Variants in FXYD6 observed in about 807,000 individuals in gnomAD.
The protein encoded by FXYD6 is FXYD domain containing ion transport regulator 6.
A neutral mutation model predicts 16.7 loss-of-function variants in FXYD6; 7 were observed. That is an observed-to-expected ratio of 0.42 (90% CI 0.24 to 0.79). FXYD6 has a LOEUF of 0.79. FXYD6 is among the 30% of genes least tolerant of loss of function. The pLI, the probability that FXYD6 is intolerant of heterozygous loss-of-function variation, is 0.28. For synonymous variants in FXYD6, 49 were observed against 43.0 expected, an observed-to-expected ratio of 1.14 and a Z score of -0.54; for missense variants, 111 against 116.2, an observed-to-expected ratio of 0.95 and a Z score of 0.21.
At chr11:117,875,121 T>G (rs769176090) in intron 1 of FXYD6, among the ~76,000 whole-genome samples, 2 of 148,520 alleles carry the variant, frequency 1.3e-5, no homozygotes, top group African/African-American at 2.5e-5. Flanking sequence ...TGTGTGTGCA[T>G]GCACAGTGCG....
At chr11:117,868,595 T>C (rs2057061520) in intron 1 of FXYD6, among the ~76,000 whole-genome samples, 1 of 152,084 alleles carries the variant, frequency 6.6e-6, no homozygotes, top group Non-Finnish European at 1.5e-5. Flanking sequence ...GATGGGATCC[T>C]AGAACAGAAA....
intron 1 of FXYD6, among the ~76,000 whole-genome samples, chr11:117,863,340 C>T (rs187741075): frequency 1.3e-5 from 2 of 151,360 alleles, no homozygotes; most frequent in South Asian, 2.1e-4. Flanking sequence ...ATTAGCAAAA[C>T]GGAGGGAAAA....
chr11:117,873,525 G>T (rs778204816), intron 1 of FXYD6, among the ~76,000 whole-genome samples: 4 of 152,234 alleles, frequency 2.6e-5, no homozygotes, highest in Non-Finnish European at 5.9e-5. Context: ...GGAAGCTCAG[G>T]GGGAGAGCTG....
intron 1 of FXYD6, chr11:117,869,114 G>A (rs2057074862): frequency 6.6e-6 from 1 of 152,184 alleles, no homozygotes; most frequent in Admixed American, 6.5e-5. Context: ...ATCAATTATT[G>A]TTAAATCACC....
intron 1 of FXYD6, among the ~76,000 whole-genome samples, chr11:117,858,510 C>G (rs548435934): frequency 2.6e-5 from 4 of 152,078 alleles, no homozygotes; most frequent in Non-Finnish European, 5.9e-5. Flanking sequence ...GCCTCACACC[C>G]CCAACTTTGT....
chr11:117,838,129 G>C lies in FXYD6; in HGVS notation c.*170C>G. 2.9e-6 allele frequency: 2 copies of C among 698,554 alleles called. No individual in the cohort carries two copies. The highest frequency in any genetic ancestry group is 3.0e-5 in the South Asian group (2 of 67,454). The allele number at this position is 698,554 out of a possible 1,614,324, so 43.3% of individuals were successfully genotyped here. On this transcript the variant is annotated 3_prime_UTR_variant, in exon 8 of 8. Transcript: ENST00000526014. The stretch of plus-strand genomic sequence containing the variant: ...GAGGCAAGTGTTAGTTGCATCATCA[G>C]GTGGAGGAATGGTGTTAGAGGGGAT...
chr11:117,853,972 C>T (rs919021445), intron 1 of FXYD6, among the ~76,000 whole-genome samples: 5 of 152,184 alleles, frequency 3.3e-5, no homozygotes, highest in African/African-American at 7.2e-5. Flanking sequence ...GGCAGTCATA[C>T]AGTCCTAAAA....
At position 117,838,282 on chromosome 11, in the gene FXYD6, G is replaced by T. The variant is rs1340866912; in HGVS notation, c.*22-5C>A. The T allele has an allele frequency of 1.7e-5, 12 of 702,304 alleles. No homozygotes were observed. In the East Asian group the frequency reaches 2.1e-4, roughly 13 times the overall value. The allele number at this position is 702,304 out of a possible 1,614,324, so 43.5% of individuals were successfully genotyped here. A position where few individuals can be genotyped will look rare whatever the true frequency, so the allele number is the denominator to read the frequency against. Reference sequence around the variant, plus strand: ...AGCCGCCTCAGGTTCCAGAGGCTGAGGAGGAGGATAATTTAAATTAAAAAC... The same window carrying T: ...AGCCGCCTCAGGTTCCAGAGGCTGATGAGGAGGATAATTTAAATTAAAAAC... On this transcript the variant is annotated splice_region_variant and splice_polypyrimidine_tract_variant and intron_variant, in intron 7 of 7. Coordinates refer to ENST00000526014, the MANE Select transcript of FXYD6 (RefSeq NM_022003.4).
At chr11:117,857,702 C>G (rs528462749) in intron 1 of FXYD6, among the ~76,000 whole-genome samples, 1 of 152,122 alleles carries the variant, frequency 6.6e-6, no homozygotes, top group Non-Finnish European at 1.5e-5. Flanking sequence ...CCACCACACC[C>G]GGCCCAGGTG....
At position 117,842,934 on chromosome 11, in the gene FXYD6, T is replaced by C. The variant is rs2056387562; in HGVS notation, c.-5-153A>G. On this transcript the variant is annotated intron_variant, in intron 1 of 7. Coordinates refer to ENST00000526014, the MANE Select transcript of FXYD6 (RefSeq NM_022003.4). The stretch of plus-strand genomic sequence containing the variant: ...GTTCAAACAACCTAAGCACAAGCAG[T>C]TGACTTTTTTTTTTTTTGAGACAGA... 12 of 758,972 alleles carry C rather than the reference T, an allele frequency of 1.6e-5. No homozygotes were observed. In the East Asian group the frequency reaches 3.1e-4, roughly 20 times the overall value. The allele number at this position is 758,972 out of a possible 1,614,324, so 47.0% of individuals were successfully genotyped here.
intron 5 of FXYD6, among the ~76,000 whole-genome samples, chr11:117,840,741 T>C (rs2056320044): frequency 1.3e-5 from 2 of 152,080 alleles, no homozygotes; most frequent in Non-Finnish European, 2.9e-5. Context: ...TCCAAGTGTC[T>C]ATTCAGCTCA....
intron 1 of FXYD6, among the ~76,000 whole-genome samples, chr11:117,859,870 G>A (rs987705850): frequency 2.0e-5 from 3 of 152,082 alleles, no homozygotes; most frequent in Admixed American, 6.6e-5. Flanking sequence ...TAGTCTGGTC[G>A]TACGCTACTC....
Position 117,854,384 on chromosome 11 carries a change from C to T in FXYD6, c.-5-11603G>A, listed in dbSNP as rs560038184. 7.2e-5 allele frequency among the ~76,000 whole-genome samples: 11 copies of T among 152,310 alleles called. No homozygotes were observed. In the South Asian group the frequency reaches 1.5e-3, roughly 20 times the overall value. On this transcript the variant is annotated intron_variant, in intron 1 of 7. Coordinates refer to ENST00000526014, the MANE Select transcript of FXYD6 (RefSeq NM_022003.4). Reference sequence around the variant, plus strand: ...GCACATGTCAATGGCTCTGGGCCACCAGGGACAATGGGCAGCAGTTCAGGT... The same window carrying T: ...GCACATGTCAATGGCTCTGGGCCACTAGGGACAATGGGCAGCAGTTCAGGT...
intron 1 of FXYD6, among the ~76,000 whole-genome samples, chr11:117,851,252 G>C (rs2056604763): frequency 6.6e-6 from 1 of 151,536 alleles, no homozygotes; most frequent in African/African-American, 2.4e-5. Context: ...TTCGATATGA[G>C]GTTATAAAAA....
chr11:117,863,269 A>G (rs1270132172), intron 1 of FXYD6, among the ~76,000 whole-genome samples: 2 of 152,172 alleles, frequency 1.3e-5, no homozygotes, highest in South Asian at 2.1e-4. Flanking sequence ...GGAGGCCCCA[A>G]TTTATTCCTG....
chr11:117,853,557 G>A (rs2056654331), intron 1 of FXYD6, among the ~76,000 whole-genome samples: 1 of 152,192 alleles, frequency 6.6e-6, no homozygotes, highest in Admixed American at 6.5e-5. Flanking sequence ...GAGTATAGTG[G>A]CACAATCTCG....
chr11:117,850,984 C>T (rs543610031), intron 1 of FXYD6, among the ~76,000 whole-genome samples: 1 of 152,124 alleles, frequency 6.6e-6, no homozygotes, highest in Non-Finnish European at 1.5e-5. Context: ...TACAAAAATA[C>T]AAATCATCCC....
intron 1 of FXYD6, among the ~76,000 whole-genome samples, chr11:117,867,971 C>G (rs928796052): frequency 1.3e-5 from 2 of 152,226 alleles, no homozygotes; most frequent in African/African-American, 4.8e-5. Context: ...GAATCTCCCC[C>G]ACTCATTCTG....
intron 1 of FXYD6, among the ~76,000 whole-genome samples, chr11:117,861,853 T>G (rs2056913867): frequency 6.6e-6 from 1 of 152,220 alleles, no homozygotes; most frequent in Non-Finnish European, 1.5e-5. Flanking sequence ...GGCCCACAGC[T>G]GACACTGGCT....
Sources: gnomAD v4.1 joint callset for allele counts (sites outside exome capture counted in the v4.1 genomes callset) on GRCh38, gnomAD v4.1.1 for gene constraint, MANE v1.5 for transcripts, NCBI Gene and HGNC (gene_info 2026-07-23, HGNC 2026-07-21) for gene names.